The following CC2D2B variants were observed in gnomAD, a reference collection of about 807,000 sequenced individuals.
CC2D2B encodes coiled-coil and C2 domain containing 2B.
Under a neutral mutation model 161.2 loss-of-function variants are expected in CC2D2B, and 128 were observed. The ratio of observed to expected loss-of-function variants is 0.79; its 90% CI spans 0.69 to 0.92. The LOEUF is 0.92. CC2D2B is among the 40% of genes least tolerant of loss of function. CC2D2B has a pLI of 0.00. For missense variants in CC2D2B, 1,173 were observed against 1,375.1 expected, an observed-to-expected ratio of 0.85 and a Z score of 2.32; for synonymous variants, 391 against 449.8, an observed-to-expected ratio of 0.87 and a Z score of 1.65.
chr10:95,940,710 A>G (rs1355179753), intron 9 of CC2D2B, among the ~76,000 whole-genome samples: 1 of 152,202 alleles, frequency 6.6e-6, no homozygotes, highest in Non-Finnish European at 1.5e-5. Flanking sequence ...CTGACCATCT[A>G]TGACTTTAAA....
At chr10:95,941,136 C>A (rs116422554) in intron 9 of CC2D2B, among the ~76,000 whole-genome samples, 299 of 152,266 alleles carry the variant, frequency 2.0e-3, no homozygotes, top group African/African-American at 6.8e-3. Flanking sequence ...ACTGGACATC[C>A]ACTTGCAAAA....
At chr10:95,939,695 T>C (rs1190302529) in intron 9 of CC2D2B, among the ~76,000 whole-genome samples, 2 of 152,232 alleles carry the variant, frequency 1.3e-5, no homozygotes, top group Non-Finnish European at 2.9e-5. Context: ...GTACATAAGT[T>C]GTATTTCATT....
chr10:95,976,783 T>C (rs1218522742), intron 17 of CC2D2B, among the ~76,000 whole-genome samples: 1 of 152,214 alleles, frequency 6.6e-6, no homozygotes, highest in Non-Finnish European at 1.5e-5. Flanking sequence ...AGCTTCGCTC[T>C]TGTTGCCCAG....
Position 95,949,546 on chromosome 10 carries a change from T to C in CC2D2B, c.802-350T>C, listed in dbSNP as rs1220787976. ...GGGGGAGGGATAGCATTGGGAGATA[T>C]ACCTAATGCTAGATGACACGTTAGT... On this transcript the variant is annotated intron_variant, in intron 9 of 34. Transcript: ENST00000646931. Among the ~76,000 whole-genome samples the C allele has an allele frequency of 4.1e-5, 5 of 121,682 alleles. No homozygotes were observed. The East Asian group carries it at 1.3e-3, about 31-fold the overall frequency. The allele number at this position is 121,682 out of a possible 152,430, so 79.8% of individuals were successfully genotyped here.
At chr10:95,971,965 A>T in intron 15 of CC2D2B, 101 bp from the exon 16 acceptor site, 1 of 540,458 alleles carries the variant, frequency 1.9e-6, no homozygotes, top group Non-Finnish European at 2.8e-6. Flanking sequence ...CTTATTTTAT[A>T]TTCTGGTATT....
At chr10:95,912,861 G>A (rs1007496885) in intron 2 of CC2D2B, among the ~76,000 whole-genome samples, 3 of 151,970 alleles carry the variant, frequency 2.0e-5, no homozygotes, top group African/African-American at 7.2e-5. Flanking sequence ...ATATAGGTAT[G>A]GGGTACATGA....
intron 14 of CC2D2B, among the ~76,000 whole-genome samples, chr10:95,967,042 G>A (rs118078904): frequency 0.019 from 2,833 of 152,098 alleles, 36 homozygotes; most frequent in Middle Eastern, 0.054. Flanking sequence ...TTGGGAATGT[G>A]CATCATTTAG....
At chr10:95,908,239 G>A (rs2098499582) in intron 1 of CC2D2B, among the ~76,000 whole-genome samples, 182 bp downstream of exon 1, 1 of 152,196 alleles carries the variant, frequency 6.6e-6, no homozygotes, top group Non-Finnish European at 1.5e-5. Flanking sequence ...AGCCAATTTG[G>A]GAATGAGTAG....
At chr10:95,923,562 A>C (rs1221305462) in intron 3 of CC2D2B, among the ~76,000 whole-genome samples, 1 of 152,192 alleles carries the variant, frequency 6.6e-6, no homozygotes, top group African/African-American at 2.4e-5. Context: ...TTTTTGTATT[A>C]GTATACTTCA....
intron 34 of CC2D2B, among the ~76,000 whole-genome samples, chr10:96,028,905 T>C (rs2079900983): frequency 1.3e-5 from 2 of 152,056 alleles, no homozygotes; most frequent in African/African-American, 4.8e-5. Flanking sequence ...TTCTCACTTA[T>C]TTGTGGGATC....
At chr10:95,924,909 A>C in intron 5 of CC2D2B, 65 bp downstream of exon 5, 1 of 983,870 alleles carries the variant, frequency 1.0e-6, no homozygotes, top group Non-Finnish European at 1.6e-6. Flanking sequence ...TTACATAGCA[A>C]AACTTCACCC....
chr10:95,921,385 T>TGA (rs1008248520), intron 2 of CC2D2B: 1 of 152,260 alleles, frequency 6.6e-6, no homozygotes, highest in African/African-American at 2.4e-5. Flanking sequence ...TGCCTGGGGA[T>TGA]GAGAGAGAGG....
intron 34 of CC2D2B, among the ~76,000 whole-genome samples, chr10:96,028,483 G>A (rs1410707080): frequency 6.6e-6 from 1 of 152,138 alleles, no homozygotes; most frequent in East Asian, 1.9e-4. Context: ...AACAAATGCT[G>A]GAGAGGATGT....
At chr10:95,926,878 G>A (rs987883315) in intron 5 of CC2D2B, among the ~76,000 whole-genome samples, 6 of 151,490 alleles carry the variant, frequency 4.0e-5, no homozygotes, top group South Asian at 2.1e-4. Context: ...GTGTGTGCGC[G>A]CGCCTGAACA....
intron 34 of CC2D2B, among the ~76,000 whole-genome samples, chr10:96,031,267 CA>C (rs1314207367): frequency 6.6e-6 from 1 of 152,182 alleles, no homozygotes; most frequent in Non-Finnish European, 1.5e-5. Context: ...TACACAACTA[CA>C]TGGGAAGAGC....
chr10:96,027,298 G>C lies in CC2D2B; in HGVS notation c.4034G>C (p.Arg1345Pro), dbSNP rs747323227. ...AATCGACAGTGTACTTTTATTTTGC[G>C]ACAAATCCTTCCTAAGCTGGAATTT... ...HWNRQCTFIL[R>P]QILPKLEFGI... Residue 1345 changes from arginine to proline, a missense_variant, in exon 34 of 35, where the codon CGA (arginine) becomes CCA (proline). By Grantham distance (103) the Arg-to-Pro change is moderately radical. Transcript: ENST00000646931. The C allele has an allele frequency of 2.1e-5, 32 of 1,551,128 alleles. No homozygotes were observed. In the South Asian group the frequency reaches 3.6e-4, roughly 17 times the overall value.
chr10:95,935,392 G>C (rs1249013819), intron 6 of CC2D2B, among the ~76,000 whole-genome samples: 1 of 151,912 alleles, frequency 6.6e-6, no homozygotes, highest in East Asian at 1.9e-4. Flanking sequence ...CAGAATCACT[G>C]CCACTGTCTC....
chr10:96,025,166 T>TATATAAAAAAAAAAAAA (rs1564683697), intron 33 of CC2D2B, among the ~76,000 whole-genome samples: 1 of 9,972 alleles, frequency 1.0e-4, no homozygotes, highest in African/African-American at 5.6e-4. Context: ...TATATATATA[T>TATATAAAAAAAAAAAAA]ATATATATAT....
At chr10:95,993,944 A>G (rs10882705) in intron 22 of CC2D2B, among the ~76,000 whole-genome samples, 1,014 of 22,638 alleles carry the variant, frequency 0.045, 27 homozygotes, top group South Asian at 0.091. Context: ...GTGTGTGTGT[A>G]TGTATGTGTA....
Sources: allele counts gnomAD v4.1 joint callset (sites outside exome capture counted in the v4.1 genomes callset), GRCh38; gene constraint gnomAD v4.1.1; transcripts MANE v1.5; gene names NCBI Gene and HGNC (gene_info 2026-07-23, HGNC 2026-07-21).